Variants in CPEB3 observed in about 807,000 individuals in gnomAD.
CPEB3 encodes the protein cytoplasmic polyadenylation element binding protein 3.
Under a neutral mutation model 67.2 loss-of-function variants are expected in CPEB3, and 20 were observed. The observed-to-expected ratio is 0.30, with a 90% CI of 0.21 to 0.43. The LOEUF is 0.43. CPEB3 is among the 20% of genes least tolerant of loss of function. The probability of loss-of-function intolerance (pLI) is 1.00; values close to 1 mark genes in which losing one functional copy is unlikely to be tolerated. For synonymous variants in CPEB3, 376 were observed against 393.1 expected (o/e 0.96, Z 0.51); for missense variants, 746 against 968.6 (o/e 0.77, Z 3.05).
At position 92,115,932 on chromosome 10, in the gene CPEB3, G is replaced by A. The variant is rs536866163; in HGVS notation, c.1454-4738C>T. On this transcript the variant is annotated intron_variant, in intron 6 of 9. Transcript: ENST00000265997. ...CCCTTGCTTTTTCTGTTATGTAAAC[G>A]TGCAGACCTGTGATAACAGAGCCAT... is the stretch of plus-strand genomic sequence containing the variant. Among the ~76,000 whole-genome samples, 31 of 152,128 alleles carry A rather than the reference G, an allele frequency of 2.0e-4. No homozygotes were observed. The East Asian group carries it at 2.9e-3, about 14-fold the overall frequency.
intron 1 of CPEB3, among the ~76,000 whole-genome samples, chr10:92,287,927 G>A (rs557644700): frequency 5.3e-5 from 8 of 152,050 alleles, no homozygotes; most frequent in East Asian, 1.9e-4. Context: ...TCTACTTTCC[G>A]TCTCTATGGA....
intron 8 of CPEB3, among the ~76,000 whole-genome samples, chr10:92,087,926 C>T (rs1437180786): frequency 6.6e-6 from 1 of 152,266 alleles, no homozygotes; most frequent in East Asian, 1.9e-4. Flanking sequence ...GCTTTAGCCA[C>T]ATGGTGGCAC....
chr10:92,052,642 T>A (rs1841940582), intron 9 of CPEB3, among the ~76,000 whole-genome samples: 1 of 152,234 alleles, frequency 6.6e-6, no homozygotes, highest in African/African-American at 2.4e-5. Flanking sequence ...AGACAAATTC[T>A]TAAAATCTCT....
chr10:92,239,598 G>A lies in CPEB3; in HGVS notation c.753C>T (p.Ala251=). The change falls in exon 2 of 10, where the codon GCC becomes GCT. Residue 251 remains alanine (A), a synonymous_variant. Transcript: ENST00000265997. This position sits in a 1 kb window ranked among gnomAD's most constrained non-coding sequence, Gnocchi z 6.0. ...CCCAGGGGTTGGACGGTGCGCTCCA[G>A]GCTGCATTCACGCTTTGGTGCGTGT... ...SWNTHQSVNA[A]WSAPSNPWGG... is the part of the protein sequence containing the mutation. 1 of 1,555,440 alleles carries A rather than the reference G, an allele frequency of 6.4e-7. No individual in the cohort carries two copies. Among genetic ancestry groups the A allele is most frequent in the East Asian group, 2.4e-5 (1 of 41,538 alleles).
At chr10:92,282,993 G>A (rs1842363342) in intron 1 of CPEB3, among the ~76,000 whole-genome samples, 1 of 152,178 alleles carries the variant, frequency 6.6e-6, no homozygotes, top group Non-Finnish European at 1.5e-5. Flanking sequence ...GTTCATGCCT[G>A]TAATCCCAGA....
chr10:92,099,559 A>G (rs967572704), intron 7 of CPEB3, among the ~76,000 whole-genome samples: 3 of 152,094 alleles, frequency 2.0e-5, no homozygotes, highest in African/African-American at 7.2e-5. Flanking sequence ...AATTAAATAT[A>G]AAATGCATTT....
intron 6 of CPEB3, chr10:92,137,873 T>C (rs1363266124): frequency 5.3e-5 from 9 of 169,644 alleles, no homozygotes; most frequent in Non-Finnish European, 8.8e-5. Context: ...TGGTGGCAAG[T>C]GCCTGTAGTC....
intron 6 of CPEB3, among the ~76,000 whole-genome samples, chr10:92,116,275 A>C (rs921447105): frequency 6.6e-6 from 1 of 150,940 alleles, no homozygotes; most frequent in Non-Finnish European, 1.5e-5. Context: ...AAATAATAAT[A>C]ATAATAATAT....
chr10:92,130,438 G>A (rs910861877), intron 6 of CPEB3, among the ~76,000 whole-genome samples: 3 of 152,018 alleles, frequency 2.0e-5, no homozygotes, highest in Middle Eastern at 3.4e-3. Context: ...GCCTTCCATG[G>A]TCTCAGTGGT....
At chr10:92,078,403 A>G (rs1843015420) in intron 9 of CPEB3, among the ~76,000 whole-genome samples, 1 of 152,238 alleles carries the variant, frequency 6.6e-6, no homozygotes, top group Non-Finnish European at 1.5e-5. Context: ...CCTTAAGAGA[A>G]GTAAAATTTC....
At chr10:92,210,336 C>T (rs565037898) in intron 2 of CPEB3, among the ~76,000 whole-genome samples, 1 of 152,238 alleles carries the variant, frequency 6.6e-6, no homozygotes, top group Admixed American at 6.5e-5. Context: ...GCAGAAGGGA[C>T]CTCAATTCTG....
chr10:92,102,031 T>A (rs1252516091), intron 7 of CPEB3, among the ~76,000 whole-genome samples: 3 of 152,254 alleles, frequency 2.0e-5, no homozygotes, highest in African/African-American at 7.2e-5. Context: ...TGGTTTAGAC[T>A]CTTTACAGCA....
intron 1 of CPEB3, among the ~76,000 whole-genome samples, chr10:92,262,614 AGGG>A (rs1021221340): frequency 1.9e-4 from 29 of 152,088 alleles, no homozygotes; most frequent in African/African-American, 7.0e-4. Flanking sequence ...TGGGAGGCTG[AGGG>A]GGGAGGATTG....
intron 1 of CPEB3, among the ~76,000 whole-genome samples, chr10:92,273,558 T>C (rs1316950118): frequency 1.3e-5 from 2 of 152,190 alleles, no homozygotes; most frequent in Non-Finnish European, 2.9e-5. Context: ...TGTCTTGGTC[T>C]ATCAGTTTAT....
At chr10:92,135,361 C>A in intron 6 of CPEB3, among the ~76,000 whole-genome samples, 2 of 152,160 alleles carry the variant, frequency 1.3e-5, no homozygotes, top group Middle Eastern at 6.8e-3. Context: ...GATATGAATA[C>A]GCACTTCTCA....
At chr10:92,170,609 TGAAA>T (rs950871239) in intron 4 of CPEB3, among the ~76,000 whole-genome samples, 6 of 113,798 alleles carry the variant, frequency 5.3e-5, no homozygotes, top group African/African-American at 1.7e-4. Context: ...CAATAACTGA[TGAAA>T]GAAAGAGAAA....
chr10:92,053,569 T>G (rs1185292378), intron 9 of CPEB3, among the ~76,000 whole-genome samples: 1 of 136,880 alleles, frequency 7.3e-6, no homozygotes, highest in South Asian at 2.3e-4. Flanking sequence ...TGAGATGGAG[T>G]CTTGCTCTGT....
At chr10:92,142,886 A>C (rs1846504432) in intron 6 of CPEB3, 143 bp downstream of exon 6, 2 of 537,870 alleles carry the variant, frequency 3.7e-6, no homozygotes, top group South Asian at 5.0e-5. Flanking sequence ...CATAATACAC[A>C]AAAGGATGAT....
At chr10:92,123,945 CCTCTGTTGGT>C (rs1845503156) in intron 6 of CPEB3, among the ~76,000 whole-genome samples, 1 of 152,186 alleles carries the variant, frequency 6.6e-6, no homozygotes, top group Non-Finnish European at 1.5e-5. Flanking sequence ...ATTAACATAT[CCTCTGTTGGT>C]CTCACCTGCT....
Sources: allele counts gnomAD v4.1 joint callset (sites outside exome capture counted in the v4.1 genomes callset), GRCh38; gene constraint gnomAD v4.1.1; non-coding constraint Gnocchi (gnomAD v3.1); transcripts MANE v1.5; gene names NCBI Gene and HGNC (gene_info 2026-07-23, HGNC 2026-07-21).